The following CRHR2 variants were observed in gnomAD, a reference collection of about 807,000 sequenced individuals.
CRHR2 encodes corticotropin-releasing hormone receptor 2.
Under a neutral mutation model 57.9 loss-of-function variants are expected in CRHR2, and 53 were observed. That is an observed-to-expected ratio of 0.92 (90% CI 0.73 to 1.15). CRHR2 has a LOEUF of 1.15. Ranked by LOEUF, CRHR2 falls within the 50% of genes most tolerant of loss-of-function variation. The pLI is 0.00. For synonymous variants in CRHR2, 213 were observed against 220.9 expected (o/e 0.96, Z 0.32); for missense variants, 532 against 542.6 (o/e 0.98, Z 0.19).
At chr7:30,692,400 C>T (rs1282703689) in intron 1 of CRHR2, among the ~76,000 whole-genome samples, 1 of 152,186 alleles carries the variant, frequency 6.6e-6, no homozygotes, top group Non-Finnish European at 1.5e-5. Context: ...CCTGAAGGTG[C>T]AGCCTCCATC....
chr7:30,682,231 G>T lies in CRHR2; in HGVS notation c.50C>A (p.Ala17Glu), dbSNP rs775191305. Residue 17 changes from alanine (A) to glutamate (E), a missense_variant, in exon 1 of 12, where the codon GCG becomes GAG. By Grantham distance (107) the Ala-to-Glu change is moderately radical. Coordinates refer to ENST00000471646, the MANE Select transcript of CRHR2 (RefSeq NM_001883.5). The stretch of plus-strand genomic sequence containing the variant: ...GTCCAAGAGCAGCTCTTCAGCCAGC[G>T]CCAGGCTGCAGTTGGCCTCCAGCAG... ...HSLLEANCSL[A>E]LAEELLLDGW... is the part of the protein sequence containing the mutation. 5 of 1,589,952 alleles carry T rather than the reference G, an allele frequency of 3.1e-6. No homozygotes were observed. Among genetic ancestry groups the T allele is most frequent in the South Asian group, 1.1e-5 (1 of 88,604 alleles).
rs2128141930 is a variant in CRHR2, at chr7:30,662,842, C to T, written c.549G>A (p.Trp183Ter). The T allele has an allele frequency of 6.2e-7, 1 of 1,614,066 alleles. No individual in the cohort carries two copies. Among genetic ancestry groups the T allele is most frequent in the Non-Finnish European group, 8.5e-7 (1 of 1,179,934 alleles). ...DHEVHESNEV[W>*]CRCITTIFNY... is the part of the protein sequence containing the mutation. Reference sequence around the variant, plus strand: ...TGAAGATGGTGGTGATGCAGCGGCACCAGACCTGTGTGCAGGGCAGAGAGG... The same window carrying T: ...TGAAGATGGTGGTGATGCAGCGGCATCAGACCTGTGTGCAGGGCAGAGAGG... Residue 183 changes from tryptophan to a stop codon, truncating the protein, a stop_gained, in exon 6 of 12, where the codon TGG becomes TGA. Transcript: ENST00000471646. LOFTEE classifies it high-confidence loss of function.
At chr7:30,671,470 A>G (rs559723562) in intron 2 of CRHR2, among the ~76,000 whole-genome samples, 1 of 152,048 alleles carries the variant, frequency 6.6e-6, no homozygotes, top group African/African-American at 2.4e-5. Context: ...AGGCACAACA[A>G]TGGGGTCATT....
chr7:30,664,093 G>A (rs760632860), intron 5 of CRHR2, among the ~76,000 whole-genome samples: 3 of 152,206 alleles, frequency 2.0e-5, no homozygotes, highest in Non-Finnish European at 4.4e-5. Context: ...ACAAGCCCAC[G>A]TTGGAGCTAG....
chr7:30,675,039 CAGTG>C (rs1784474864), intron 2 of CRHR2, among the ~76,000 whole-genome samples: 1 of 152,226 alleles, frequency 6.6e-6, no homozygotes, highest in South Asian at 2.1e-4. Context: ...GCCAGTCCCT[CAGTG>C]AGTCATGGCA....
Position 30,655,617 on chromosome 7 carries a change from A to G in CRHR2, c.1016T>C (p.Met339Thr), listed in dbSNP as rs1360080577. The G allele has an allele frequency of 3.1e-6, 5 of 1,613,962 alleles. No individual in the cohort carries two copies. Among genetic ancestry groups the G allele is most frequent in the Non-Finnish European group, 4.2e-6 (5 of 1,179,952 alleles). The change falls in exon 10 of 12, where the codon ATG becomes ACG. Residue 339 changes from methionine (M) to threonine (T), a missense_variant. Met to Thr is a moderately conservative substitution (Grantham distance 81, BLOSUM62 -1). Transcript: ENST00000471646. ...NPGEDDLSQI[M>T]FIYFNSFLQS... ...CAGGAAGGAGTTGAAATAGATGAAC[A>G]TGATCTGTGACAGGTCGTCCTCCCC...
chr7:30,675,559 A>G (rs1447924276), intron 2 of CRHR2, among the ~76,000 whole-genome samples: 2 of 152,278 alleles, frequency 1.3e-5, no homozygotes, highest in Middle Eastern at 3.4e-3. Flanking sequence ...CCAACATTTG[A>G]GGCCTCCATG....
At chr7:30,689,460 A>T (rs749614561) in intron 1 of CRHR2, among the ~76,000 whole-genome samples, 1 of 152,166 alleles carries the variant, frequency 6.6e-6, no homozygotes, top group African/African-American at 2.4e-5. Flanking sequence ...CCTGGGCTGG[A>T]CCGAAGAAAG....
chr7:30,660,670 G>A (rs377518356), intron 7 of CRHR2, 25 bp from the exon 8 acceptor site: 32 of 1,553,962 alleles, frequency 2.1e-5, no homozygotes, highest in Non-Finnish European at 2.7e-5. Flanking sequence ...TGGCTGTAGG[G>A]GGCCTCCTGA....
In CRHR2 at chr7:30,653,308, C is replaced by T. The variant is rs984282654; in HGVS notation, c.*152G>A. The T allele has an allele frequency of 1.6e-5, 18 of 1,152,938 alleles. No homozygotes were observed. The highest frequency in any genetic ancestry group is 2.5e-4 in the Middle Eastern group (1 of 3,958). The allele number at this position is 1,152,938 out of a possible 1,614,324, so 71.4% of individuals were successfully genotyped here. A position where few individuals can be genotyped will look rare whatever the true frequency, so the allele number is the denominator to read the frequency against. Reference sequence around the variant, plus strand: ...ACTCATCCCTGTCCCTTGCAGTCCCCCTTGGCTGCCGCACCCCCTCTTTCC... The same window carrying T: ...ACTCATCCCTGTCCCTTGCAGTCCCTCTTGGCTGCCGCACCCCCTCTTTCC... On this transcript the variant is annotated 3_prime_UTR_variant, in exon 12 of 12. Coordinates refer to ENST00000471646, the MANE Select transcript of CRHR2 (RefSeq NM_001883.5). The surrounding 1 kb of genome is among the most constrained non-coding windows in gnomAD (Gnocchi z 5.0).
intron 2 of CRHR2, among the ~76,000 whole-genome samples, chr7:30,687,698 C>T (rs921117066): frequency 6.6e-6 from 1 of 152,192 alleles, no homozygotes; most frequent in Non-Finnish European, 1.5e-5. Flanking sequence ...ACCCTATCCG[C>T]TGCACTCAGA....
intron 1 of CRHR2, among the ~76,000 whole-genome samples, chr7:30,691,874 G>C (rs1394029297): frequency 6.6e-6 from 1 of 152,178 alleles, no homozygotes; most frequent in Non-Finnish European, 1.5e-5. Flanking sequence ...GCAGGGAGGA[G>C]GAGGAAAGAG....
In CRHR2 at chr7:30,682,374, C is replaced by G. The variant is rs1028590242; in HGVS notation, c.-94G>C. The G allele has an allele frequency of 6.4e-6, 9 of 1,409,732 alleles. No individual in the cohort carries two copies. In the Admixed American group the frequency reaches 2.4e-4, roughly 37 times the overall value. The allele number at this position is 1,409,732 out of a possible 1,614,324, so 87.3% of individuals were successfully genotyped here. A position where few individuals can be genotyped will look rare whatever the true frequency, so the allele number is the denominator to read the frequency against. ...GCGAGAGTGAGCGGCCGAGAGGGCGCGGGGTCCTGGCCCCCGCCAGCCCAG... is the reference window on the plus strand; with the variant it reads ...GCGAGAGTGAGCGGCCGAGAGGGCGGGGGGTCCTGGCCCCCGCCAGCCCAG... On this transcript the variant is annotated 5_prime_UTR_variant, in exon 1 of 12. Coordinates refer to ENST00000471646, the MANE Select transcript of CRHR2 (RefSeq NM_001883.5).
intron 2 of CRHR2, among the ~76,000 whole-genome samples, chr7:30,679,057 A>G (rs958137022): frequency 3.9e-5 from 6 of 151,946 alleles, no homozygotes; most frequent in African/African-American, 1.5e-4. Context: ...CCTGTTCTCC[A>G]TACAACACAC....
At chr7:30,659,006 G>A (rs1274887239) in intron 8 of CRHR2, among the ~76,000 whole-genome samples, 3 of 152,250 alleles carry the variant, frequency 2.0e-5, no homozygotes, top group Admixed American at 6.5e-5. Context: ...CTAGCTATTA[G>A]TGGTGACCTT....
At chr7:30,681,763 C>T in intron 2 of CRHR2, 152 bp downstream of exon 2, 8 of 1,196,700 alleles carry the variant, frequency 6.7e-6, no homozygotes, top group Non-Finnish European at 8.9e-6. Context: ...AAGGCGCGCC[C>T]CCAACACTGT....
intron 2 of CRHR2, among the ~76,000 whole-genome samples, chr7:30,678,605 T>C (rs1006271699): frequency 6.6e-6 from 1 of 152,092 alleles, no homozygotes; most frequent in Non-Finnish European, 1.5e-5. Context: ...TAACCCCACA[T>C]CCTGAGGACT....
At chr7:30,686,488 G>T, upstream of CRHR2, 1 of 1,515,706 alleles carries the variant, frequency 6.6e-7, no homozygotes, top group African/African-American at 1.4e-5. Context: ...TTGCATTGAG[G>T]AATTATTTCA....
intron 8 of CRHR2, among the ~76,000 whole-genome samples, chr7:30,657,126 A>G (rs1056757739): frequency 6.6e-6 from 1 of 152,058 alleles, no homozygotes; most frequent in African/African-American, 2.4e-5. Context: ...ACACTCTGTC[A>G]AGAAAATCCA....
Sources: gnomAD v4.1 joint callset for allele counts (sites outside exome capture counted in the v4.1 genomes callset) on GRCh38, gnomAD v4.1.1 for gene constraint, Gnocchi (gnomAD v3.1) non-coding constraint, MANE v1.5 for transcripts, NCBI Gene and HGNC (gene_info 2026-07-23, HGNC 2026-07-21) for gene names.